The following ZKSCAN7 variants were observed in gnomAD, a reference collection of about 807,000 sequenced individuals.
ZKSCAN7 encodes zinc finger protein with KRAB and SCAN domains 7.
Under a neutral mutation model 65.3 loss-of-function variants are expected in ZKSCAN7, and 38 were observed. The observed-to-expected ratio is 0.58, with a 90% CI of 0.45 to 0.76. The LOEUF (loss-of-function observed/expected upper bound fraction) is 0.76, where lower values mean the gene tolerates loss of function less well. Ranked by LOEUF, ZKSCAN7 falls within the 30% of genes least tolerant of loss-of-function variation. The pLI, the probability that ZKSCAN7 is intolerant of heterozygous loss-of-function variation, is 0.00. For missense variants in ZKSCAN7, 815 were observed against 913.3 expected, an observed-to-expected ratio of 0.89 and a Z score of 1.39; for synonymous variants, 321 against 321.0, an observed-to-expected ratio of 1.00 and a Z score of 0.00.
intron 5 of ZKSCAN7, among the ~76,000 whole-genome samples, chr3:44,578,819 A>G (rs1312224793): frequency 2.0e-5 from 3 of 152,124 alleles, no homozygotes; most frequent in South Asian, 2.1e-4. Context: ...GAGATCTTCA[A>G]TCTTCTTCTG....
chr3:44,571,193 G>A lies in ZKSCAN7; in HGVS notation c.2083G>A (p.Asp695Asn). Residue 695 changes from aspartate (D) to asparagine (N), a missense_variant, in exon 6 of 6, where the codon GAT (aspartate) becomes AAT (asparagine). Coordinates refer to ENST00000426540, the MANE Select transcript of ZKSCAN7 (RefSeq NM_001288590.2). ...HTGEKPYKCN[D>N]CGKAFSDSSQ... The stretch of plus-strand genomic sequence containing the variant: ...TGGGGAAAAACCCTATAAATGCAAT[G>A]ATTGTGGGAAAGCTTTTAGTGACAG... 1 of 1,614,226 alleles carries A rather than the reference G, an allele frequency of 6.2e-7. No homozygotes were observed. Among genetic ancestry groups the A allele is most frequent in the Admixed American group, 1.7e-5 (1 of 60,024 alleles).
chr3:44,556,995 A>G lies in ZKSCAN7; in HGVS notation c.-53A>G, dbSNP rs1699312226. On this transcript the variant is annotated 5_prime_UTR_variant, in exon 2 of 6. Transcript: ENST00000426540. ...GTTCCTGAGACCTGAACTATTGACC[A>G]TCATTTTAATCGGACCAACTGCAGC... The G allele has an allele frequency of 1.6e-5, 25 of 1,610,376 alleles. No homozygotes were observed. In the South Asian group the frequency reaches 1.8e-4, roughly 11 times the overall value.
At chr3:44,567,602 A>C (rs1202128554) in intron 3 of ZKSCAN7, among the ~76,000 whole-genome samples, 1 of 152,166 alleles carries the variant, frequency 6.6e-6, no homozygotes, top group African/African-American at 2.4e-5. Flanking sequence ...CACAACTGTG[A>C]GGGGAAAATC....
intron 3 of ZKSCAN7, 77 bp downstream of exon 3, chr3:44,565,732 A>G (rs1210051764): frequency 1.5e-6 from 2 of 1,372,082 alleles, no homozygotes; most frequent in Non-Finnish European, 1.9e-6. Context: ...TTATCTGCCC[A>G]TCTCCTACTC....
intron 5 of ZKSCAN7, among the ~76,000 whole-genome samples, chr3:44,579,285 C>T (rs1336249352): frequency 1.3e-5 from 2 of 152,240 alleles, no homozygotes; most frequent in Non-Finnish European, 2.9e-5. Context: ...CGTGCACGCT[C>T]CCGCTCCAGC....
intron 5 of ZKSCAN7, chr3:44,580,427 G>A (rs1700044739): frequency 6.2e-7 from 1 of 1,600,444 alleles, no homozygotes; most frequent in African/African-American, 1.3e-5. Flanking sequence ...CTTCCTGCCA[G>A]AGTGTGGACT....
chr3:44,557,591 TCC>T, intron 2 of ZKSCAN7, 121 bp downstream of exon 2: 1 of 1,405,844 alleles, frequency 7.1e-7, no homozygotes, highest in Non-Finnish European at 9.7e-7. Context: ...GCTGAACTTG[TCC>T]TGTGGATAGA....
chr3:44,568,563 G>A (rs763910932), intron 5 of ZKSCAN7, 130 bp downstream of exon 5: 1 of 1,313,114 alleles, frequency 7.6e-7, no homozygotes, highest in East Asian at 2.4e-5. Flanking sequence ...ATAATATAGG[G>A]ACCCTTTCTG....
Position 44,571,821 on chromosome 3 carries a change from A to G in ZKSCAN7, c.*446A>G, listed in dbSNP as rs1575377385. 2.0e-6 allele frequency: 2 copies of G among 993,438 alleles called. No individual in the cohort carries two copies. Among genetic ancestry groups the G allele is most frequent in the Non-Finnish European group, 2.4e-6 (2 of 834,650 alleles). 61.5% of individuals were successfully genotyped at this position (993,438 alleles called of 1,614,324 possible). The stretch of plus-strand genomic sequence containing the variant: ...CCATCTACTCTTTAAACTTTAATCT[A>G]TAACTTTTCATCAGTTTTGTTCCCT... On this transcript the variant is annotated 3_prime_UTR_variant, in exon 6 of 6. Transcript: ENST00000426540.
At chr3:44,580,142 GTGGTTGGGGGTGC>G (rs1700034647) in intron 5 of ZKSCAN7, 17 of 1,610,670 alleles carry the variant, frequency 1.1e-5, no homozygotes, top group African/African-American at 1.3e-5. Flanking sequence ...GGGACCTCCT[GTGGTTGGGGGTGC>G]TGGGGCTGGG....
chr3:44,569,705 C>T (rs775006323), intron 5 of ZKSCAN7, among the ~76,000 whole-genome samples: 1 of 152,132 alleles, frequency 6.6e-6, no homozygotes, highest in East Asian at 1.9e-4. Flanking sequence ...CTTTTTTCCA[C>T]CTGTTTTCAC....
At chr3:44,576,433 T>G (rs939040445), downstream of ZKSCAN7, among the ~76,000 whole-genome samples, 1 of 152,170 alleles carries the variant, frequency 6.6e-6, no homozygotes, top group African/African-American at 2.4e-5. Flanking sequence ...GCATTTTGGT[T>G]TCCCTTCAGT....
downstream of ZKSCAN7, among the ~76,000 whole-genome samples, chr3:44,573,411 G>A (rs375085715): frequency 3.2e-4 from 49 of 152,294 alleles, no homozygotes; most frequent in African/African-American, 1.1e-3. Context: ...ATAGAAGAAA[G>A]GGTGGAGTTG....
chr3:44,574,182 G>A (rs967587349), downstream of ZKSCAN7, among the ~76,000 whole-genome samples: 3 of 152,092 alleles, frequency 2.0e-5, no homozygotes, highest in African/African-American at 4.8e-5. Flanking sequence ...TGTGATCATG[G>A]CTTACTGCAG....
intron 4 of ZKSCAN7, 59 bp from the exon 5 acceptor site, chr3:44,568,248 T>G: frequency 6.3e-7 from 1 of 1,589,648 alleles, no homozygotes; most frequent in South Asian, 1.2e-5. Context: ...TTCGTACCCC[T>G]GATGACTCTG....
In ZKSCAN7 at chr3:44,557,365, C is replaced by G. The variant is rs1269294713; in HGVS notation, c.318C>G (p.Leu106=). The change falls in exon 2 of 6, where the codon CTC becomes CTG. Residue 106 remains leucine (L), a synonymous_variant. Coordinates refer to ENST00000426540, the MANE Select transcript of ZKSCAN7 (RefSeq NM_001288590.2). ...TGCTTGAGCAGTTCCTGAGCATCCTCCCTGGGGAGCTCCGGACCTGGGTGC... is the reference window on the plus strand; with the variant it reads ...TGCTTGAGCAGTTCCTGAGCATCCTGCCTGGGGAGCTCCGGACCTGGGTGC... ...LLVLEQFLSI[L]PGELRTWVQL... 1.9e-6 allele frequency: 3 copies of G among 1,614,112 alleles called. No individual in the cohort carries two copies. Among genetic ancestry groups the G allele is most frequent in the Non-Finnish European group, 2.5e-6 (3 of 1,180,046 alleles).
chr3:44,566,167 A>G (rs903001829), intron 3 of ZKSCAN7, among the ~76,000 whole-genome samples: 4 of 152,142 alleles, frequency 2.6e-5, no homozygotes, highest in African/African-American at 9.7e-5. Context: ...AAGGGGAGAA[A>G]AAAGTAGCAG....
intron 5 of ZKSCAN7, chr3:44,580,273 TGCGGTCGCTACTCATG>T: frequency 6.2e-7 from 1 of 1,613,918 alleles, no homozygotes; most frequent in African/African-American, 1.3e-5. Flanking sequence ...CCACAGTCCA[TGCGGTCGCTACTCATG>T]GCGCTCTCCT....
chr3:44,583,042 T>TCAGA (rs1700124535), exon 6 of ZKSCAN7: 1 of 428,760 alleles, frequency 2.3e-6, no homozygotes. Flanking sequence ...TTCTCCTGCC[T>TCAGA]CAGACTCCTG....
Sources: allele counts gnomAD v4.1 joint callset (sites outside exome capture counted in the v4.1 genomes callset), GRCh38; gene constraint gnomAD v4.1.1; transcripts MANE v1.5; gene names NCBI Gene and HGNC (gene_info 2026-07-23, HGNC 2026-07-21).